ADIPOR2: variants seen among roughly 807,000 people sequenced by gnomAD.
ADIPOR2 encodes the protein adiponectin receptor protein 2.
In ADIPOR2, 18 loss-of-function variants were observed where a neutral mutation model predicts 40.9. That is an observed-to-expected ratio of 0.44 (90% CI 0.30 to 0.65). The LOEUF is 0.65. ADIPOR2 is among the 30% of genes least tolerant of loss of function. The pLI, the probability that ADIPOR2 is intolerant of heterozygous loss-of-function variation, is 0.09. For synonymous variants in ADIPOR2, 165 were observed against 166.4 expected (o/e 0.99, Z 0.06); for missense variants, 283 against 479.2 (o/e 0.59, Z 3.82).
At chr12:1,730,289 A>T (rs1462954950) in intron 1 of ADIPOR2, among the ~76,000 whole-genome samples, 9 of 150,396 alleles carry the variant, frequency 6.0e-5, no homozygotes, top group African/African-American at 2.2e-4. Context: ...TTTTTCTCTT[A>T]GTGTTCTCAG....
At chr12:1,783,757 G>T (rs1210919245) in intron 6 of ADIPOR2, 123 bp from the exon 7 acceptor site, 1 of 806,930 alleles carries the variant, frequency 1.2e-6, no homozygotes, top group African/African-American at 1.8e-5. Flanking sequence ...AAAACTGGAA[G>T]CTAATTTTAT....
Position 1,786,116 on chromosome 12 carries a change from C to T in ADIPOR2, c.*44C>T, listed in dbSNP as rs370259217. 1.1e-4 allele frequency: 180 copies of T among 1,588,538 alleles called. No individual in the cohort carries two copies. In the African/African-American group the frequency reaches 1.8e-3, roughly 16 times the overall value. On this transcript the variant is annotated 3_prime_UTR_variant, in exon 8 of 8. Transcript: ENST00000357103. ...GACTATGACCCTAAACCAGGGCCTGCGGCACTTGCGGGCCTCCCTGCTGGC... is the reference window on the plus strand; with the variant it reads ...GACTATGACCCTAAACCAGGGCCTGTGGCACTTGCGGGCCTCCCTGCTGGC...
chr12:1,732,717 G>A (rs574109370), intron 1 of ADIPOR2, among the ~76,000 whole-genome samples: 19 of 152,038 alleles, frequency 1.2e-4, no homozygotes, highest in Middle Eastern at 3.4e-3. Context: ...CTTTTATATA[G>A]TTGTAAAACT....
At chr12:1,712,982 C>G (rs1317304620) in intron 1 of ADIPOR2, among the ~76,000 whole-genome samples, 7 of 152,084 alleles carry the variant, frequency 4.6e-5, no homozygotes, top group Admixed American at 4.6e-4. Flanking sequence ...TGGCATGAGG[C>G]TTCCGAACTG....
intron 7 of ADIPOR2, among the ~76,000 whole-genome samples, chr12:1,784,755 T>C (rs1862794285): frequency 6.6e-6 from 1 of 152,170 alleles, no homozygotes; most frequent in Non-Finnish European, 1.5e-5. Context: ...AGGACTGATA[T>C]AGATAGAAAA....
chr12:1,723,358 A>C (rs1040081292), intron 1 of ADIPOR2, among the ~76,000 whole-genome samples: 3 of 151,648 alleles, frequency 2.0e-5, no homozygotes, highest in African/African-American at 7.3e-5. Flanking sequence ...GGCTGGGCAC[A>C]GTGGCTCATG....
At chr12:1,714,049 A>G (rs2094682957) in intron 1 of ADIPOR2, among the ~76,000 whole-genome samples, 2 of 152,164 alleles carry the variant, frequency 1.3e-5, no homozygotes, top group East Asian at 1.9e-4. Context: ...TCTGGCCCAG[A>G]GAACCTTTGT....
At chr12:1,745,066 T>C (rs2154443080) in intron 1 of ADIPOR2, among the ~76,000 whole-genome samples, 1 of 152,284 alleles carries the variant, frequency 6.6e-6, no homozygotes, top group Admixed American at 6.5e-5. Context: ...GATTTCCCAT[T>C]GAAACCCTAG....
intron 2 of ADIPOR2, among the ~76,000 whole-genome samples, chr12:1,760,062 C>A (rs1862235389): frequency 6.8e-6 from 1 of 147,674 alleles, no homozygotes; most frequent in African/African-American, 2.7e-5. Context: ...ACAAAAAAAA[C>A]AACCTCCTTC....
intron 1 of ADIPOR2, among the ~76,000 whole-genome samples, chr12:1,745,440 G>C (rs781341864): frequency 6.6e-6 from 1 of 152,134 alleles, no homozygotes; most frequent in African/African-American, 2.4e-5. Flanking sequence ...TTTTTTGTTA[G>C]ATTTGTATAC....
At chr12:1,724,840 G>A (rs1302830099) in intron 1 of ADIPOR2, among the ~76,000 whole-genome samples, 1 of 152,044 alleles carries the variant, frequency 6.6e-6, no homozygotes, top group Non-Finnish European at 1.5e-5. Context: ...ACAGGTGTAC[G>A]CCACCACTCC....
At chr12:1,770,533 A>G (rs1385684736) in intron 2 of ADIPOR2, among the ~76,000 whole-genome samples, 1 of 152,200 alleles carries the variant, frequency 6.6e-6, no homozygotes, top group African/African-American at 2.4e-5. Flanking sequence ...CAGGTTTTAT[A>G]TAATTTTAAT....
chr12:1,698,236 GTGTA>G (rs1447374958), intron 1 of ADIPOR2, among the ~76,000 whole-genome samples: 1 of 140,876 alleles, frequency 7.1e-6, no homozygotes, highest in African/African-American at 2.8e-5. Flanking sequence ...GTGTGTGTGT[GTGTA>G]TTTTATTTAA....
chr12:1,757,543 G>A (rs1862163340), intron 2 of ADIPOR2: 2 of 853,342 alleles, frequency 2.3e-6, no homozygotes, highest in Admixed American at 1.7e-5. Context: ...AAATCTGTCT[G>A]AATGGTATCA....
intron 1 of ADIPOR2, among the ~76,000 whole-genome samples, chr12:1,702,633 C>A (rs1032551949): frequency 6.6e-6 from 1 of 152,020 alleles, no homozygotes; most frequent in Non-Finnish European, 1.5e-5. Flanking sequence ...TTTGGGTGGT[C>A]TTTCTAAATT....
intron 2 of ADIPOR2, among the ~76,000 whole-genome samples, chr12:1,755,361 C>T (rs916325684): frequency 6.6e-6 from 1 of 152,178 alleles, no homozygotes; most frequent in African/African-American, 2.4e-5. Context: ...TAGACGTGAA[C>T]GACTGCGCCC....
intron 7 of ADIPOR2, among the ~76,000 whole-genome samples, chr12:1,784,310 A>G (rs1862786488): frequency 6.6e-6 from 1 of 152,236 alleles, no homozygotes; most frequent in Non-Finnish European, 1.5e-5. Flanking sequence ...CATTACATAC[A>G]TTAGCCCTAT....
intron 1 of ADIPOR2, 132 bp from the exon 2 acceptor site, chr12:1,754,126 A>C (rs1862061567): frequency 1.3e-5 from 5 of 397,688 alleles, no homozygotes. Context: ...CTGTCAACAA[A>C]TATAGCTTTT....
intron 1 of ADIPOR2, among the ~76,000 whole-genome samples, chr12:1,717,482 G>T (rs936757943): frequency 1.4e-4 from 22 of 152,148 alleles, no homozygotes; most frequent in African/African-American, 5.3e-4. Flanking sequence ...AAGGCAGGTG[G>T]ATCACCTGAG....
Sources: gnomAD v4.1 joint callset for allele counts (sites outside exome capture counted in the v4.1 genomes callset) on GRCh38, gnomAD v4.1.1 for gene constraint, MANE v1.5 for transcripts, NCBI Gene and HGNC (gene_info 2026-07-23, HGNC 2026-07-21) for gene names.